HNF4G: variants seen among roughly 807,000 people sequenced by gnomAD.
HNF4G encodes hepatocyte nuclear factor 4 gamma, also known as hepatocyte nuclear factor 4-gamma.
In HNF4G, 21 loss-of-function variants were observed where a neutral mutation model predicts 50.9. The observed-to-expected ratio is 0.41, with a 90% CI of 0.29 to 0.59. The LOEUF (loss-of-function observed/expected upper bound fraction) is 0.59, where lower values mean the gene tolerates loss of function less well. Ranked by LOEUF, HNF4G falls within the 20% of genes least tolerant of loss-of-function variation. The pLI, the probability that HNF4G is intolerant of heterozygous loss-of-function variation, is 0.26. For missense variants in HNF4G, 527 were observed against 559.4 expected, an observed-to-expected ratio of 0.94 and a Z score of 0.58; for synonymous variants, 198 against 185.6, an observed-to-expected ratio of 1.07 and a Z score of -0.54.
chr8:75,509,822 C>T (rs1805700875), intron 2 of HNF4G, among the ~76,000 whole-genome samples: 1 of 152,186 alleles, frequency 6.6e-6, no homozygotes, highest in African/African-American at 2.4e-5. Context: ...CACTGCCAAT[C>T]ATATGGAAGT....
chr8:75,433,984 A>G (rs189471254), intron 1 of HNF4G, among the ~76,000 whole-genome samples: 203 of 151,422 alleles, frequency 1.3e-3, no homozygotes, highest in African/African-American at 4.6e-3. Context: ...ACACCTTAAA[A>G]TAACTTATGT....
chr8:75,448,896 A>G (rs1350512043), intron 1 of HNF4G, among the ~76,000 whole-genome samples: 1 of 152,206 alleles, frequency 6.6e-6, no homozygotes, highest in African/African-American at 2.4e-5. Context: ...TTACAAATGT[A>G]GATTTAGCTC....
chr8:75,502,114 G>A (rs1812944220), intron 2 of HNF4G, among the ~76,000 whole-genome samples: 1 of 152,146 alleles, frequency 6.6e-6, no homozygotes, highest in Non-Finnish European at 1.5e-5. Context: ...GCCTCCCAAA[G>A]TGTTGGGATT....
chr8:75,455,174 G>C (rs1165731847), intron 1 of HNF4G, among the ~76,000 whole-genome samples: 2 of 152,014 alleles, frequency 1.3e-5, no homozygotes, highest in South Asian at 2.1e-4. Context: ...ATTGATTTAA[G>C]TTTTTGGAGA....
chr8:75,545,968 G>T (rs767119588), intron 2 of HNF4G, among the ~76,000 whole-genome samples: 2 of 152,014 alleles, frequency 1.3e-5, no homozygotes, highest in Admixed American at 6.6e-5. Context: ...GCAATGCCTT[G>T]TTCTCACTCT....
intron 1 of HNF4G, among the ~76,000 whole-genome samples, chr8:75,486,890 A>G (rs1812509826): frequency 6.6e-6 from 1 of 152,084 alleles, no homozygotes; most frequent in African/African-American, 2.4e-5. Flanking sequence ...TGGTCTCAGC[A>G]ATGCGGGAAG....
At chr8:75,415,668 G>C (rs1431082647) in intron 1 of HNF4G, among the ~76,000 whole-genome samples, 1 of 152,056 alleles carries the variant, frequency 6.6e-6, no homozygotes, top group East Asian at 1.9e-4. Flanking sequence ...TTAGTCCTGT[G>C]ACAACTATGT....
chr8:75,452,578 G>A (rs180874646), intron 1 of HNF4G, among the ~76,000 whole-genome samples: 3 of 152,176 alleles, frequency 2.0e-5, no homozygotes, highest in Non-Finnish European at 4.4e-5. Context: ...AATTAGCCGG[G>A]CATGGTGGCG....
rs952467036 is a variant in HNF4G, at chr8:75,564,265, A to T, written c.*169A>T. 1.8e-5 allele frequency: 11 copies of T among 621,036 alleles called. No homozygotes were observed. The highest frequency in any genetic ancestry group is 3.0e-5 in the Non-Finnish European group (11 of 372,732). The allele number at this position is 621,036 out of a possible 1,614,324, so 38.5% of individuals were successfully genotyped here. ...TACGTTCATTCTGTTTGTTATTGCTACTATGTAAAACTTTCACATGCAACC... is the reference window on the plus strand; with the variant it reads ...TACGTTCATTCTGTTTGTTATTGCTTCTATGTAAAACTTTCACATGCAACC... On this transcript the variant is annotated 3_prime_UTR_variant, in exon 10 of 10. Transcript: ENST00000396423.
intron 2 of HNF4G, among the ~76,000 whole-genome samples, chr8:75,515,777 T>G (rs530276870): frequency 2.6e-5 from 4 of 152,066 alleles, no homozygotes; most frequent in Non-Finnish European, 5.9e-5. Context: ...CATGTTTTTT[T>G]TTTTTGAGAT....
At chr8:75,451,081 T>C (rs939808786) in intron 1 of HNF4G, among the ~76,000 whole-genome samples, 1 of 152,206 alleles carries the variant, frequency 6.6e-6, no homozygotes, top group African/African-American at 2.4e-5. Context: ...ACTGAGACAA[T>C]TAGTAATGTT....
intron 1 of HNF4G, among the ~76,000 whole-genome samples, chr8:75,489,014 C>T (rs1812559881): frequency 6.6e-6 from 1 of 152,118 alleles, no homozygotes; most frequent in Admixed American, 6.5e-5. Context: ...TTTGGTGAGT[C>T]AAGAAGCTCC....
chr8:75,473,511 G>A (rs1205942405), intron 1 of HNF4G, among the ~76,000 whole-genome samples: 1 of 152,172 alleles, frequency 6.6e-6, no homozygotes, highest in Non-Finnish European at 1.5e-5. Flanking sequence ...TGTTTTGTGG[G>A]AAAATAGTGA....
Position 75,482,740 on chromosome 8 carries a change from G to A in HNF4G, c.-143-7349G>A, listed in dbSNP as rs574650610. Among the ~76,000 whole-genome samples the A allele has an allele frequency of 9.2e-5, 14 of 152,246 alleles. No homozygotes were observed. In the South Asian group the frequency reaches 2.7e-3, roughly 29 times the overall value. On this transcript the variant is annotated intron_variant, in intron 1 of 10. Coordinates refer to the HNF4G transcript ENST00000354370. ...ATGTTTGTCACTAGAACACTGACAA[G>A]TTTATATTCTTTTAAATACCACTTG...
chr8:75,422,277 A>G (rs772736995), intron 1 of HNF4G, among the ~76,000 whole-genome samples: 2 of 152,160 alleles, frequency 1.3e-5, no homozygotes, highest in Non-Finnish European at 2.9e-5. Flanking sequence ...TCCCCACAGT[A>G]ATTTATCTGT....
intron 2 of HNF4G, among the ~76,000 whole-genome samples, chr8:75,526,705 A>ATT (rs1225334277): frequency 6.4e-4 from 90 of 140,634 alleles, no homozygotes; most frequent in African/African-American, 2.2e-3. Context: ...ACTAATTAAA[A>ATT]TTTTTTTTTT....
chr8:75,486,792 C>A (rs548982021), intron 1 of HNF4G, among the ~76,000 whole-genome samples: 1 of 152,150 alleles, frequency 6.6e-6, no homozygotes, highest in East Asian at 1.9e-4. Flanking sequence ...TCTCTTGACC[C>A]CAGGAGTTTG....
intron 1 of HNF4G, among the ~76,000 whole-genome samples, chr8:75,427,395 T>C (rs1428496914): frequency 6.6e-6 from 1 of 152,042 alleles, no homozygotes; most frequent in Admixed American, 6.6e-5. Flanking sequence ...TTGGCCAACA[T>C]GGTGAAACCC....
intron 1 of HNF4G, among the ~76,000 whole-genome samples, chr8:75,472,038 G>A (rs538673598): frequency 6.6e-6 from 1 of 152,106 alleles, no homozygotes; most frequent in Non-Finnish European, 1.5e-5. Flanking sequence ...AAGATAAGGT[G>A]ACATATATGC....
Sources: gnomAD v4.1 joint callset for allele counts (sites outside exome capture counted in the v4.1 genomes callset) on GRCh38, gnomAD v4.1.1 for gene constraint, MANE v1.5 for transcripts, NCBI Gene and HGNC (gene_info 2026-07-23, HGNC 2026-07-21) for gene names.